Variants in GMCL1 observed in about 807,000 individuals in gnomAD.
GMCL1 encodes the protein germ cell-less protein-like 1.
In GMCL1, 54 loss-of-function variants were observed where a neutral mutation model predicts 75.5. That is an observed-to-expected ratio of 0.71 (90% CI 0.57 to 0.90). The LOEUF is 0.90. GMCL1 is among the 40% of genes least tolerant of loss of function. The pLI is 0.00. For missense variants in GMCL1, 537 were observed against 622.7 expected (o/e 0.86, Z 1.47); for synonymous variants, 210 against 209.6 (o/e 1.00, Z -0.02).
At chr2:69,846,427 A>T (rs1486399554) in intron 6 of GMCL1, among the ~76,000 whole-genome samples, 1 of 152,258 alleles carries the variant, frequency 6.6e-6, no homozygotes, top group East Asian at 1.9e-4. Context: ...GAGATGATTT[A>T]AAGTATATGA....
chr2:69,845,303 G>A (rs1471741383), intron 6 of GMCL1, among the ~76,000 whole-genome samples: 1 of 152,244 alleles, frequency 6.6e-6, no homozygotes, highest in Non-Finnish European at 1.5e-5. Flanking sequence ...TCCATCACCT[G>A]TGGACTATGT....
At chr2:69,857,244 C>T (rs1558545470) in intron 9 of GMCL1, among the ~76,000 whole-genome samples, 1 of 152,170 alleles carries the variant, frequency 6.6e-6, no homozygotes, top group Non-Finnish European at 1.5e-5. Context: ...TGTTAGGTCA[C>T]TCTCACAGTT....
intron 8 of GMCL1, among the ~76,000 whole-genome samples, chr2:69,853,248 A>G (rs953735335): frequency 3.3e-5 from 5 of 152,212 alleles, no homozygotes; most frequent in African/African-American, 4.8e-5. Flanking sequence ...ACTGGAACCA[A>G]TGTTGTTATT....
At chr2:69,851,594 G>A (rs1038054567) in intron 8 of GMCL1, among the ~76,000 whole-genome samples, 2 of 151,790 alleles carry the variant, frequency 1.3e-5, no homozygotes, top group South Asian at 2.1e-4. Context: ...TGGGCAACGA[G>A]CAAAACTCTG....
At chr2:69,874,759 C>T (rs1359109121) in intron 13 of GMCL1, among the ~76,000 whole-genome samples, 3 of 145,306 alleles carry the variant, frequency 2.1e-5, no homozygotes, top group African/African-American at 7.6e-5. Flanking sequence ...TTTTTTTTTC[C>T]GAGACAGGTT....
intron 13 of GMCL1, chr2:69,873,500 AC>A (rs1263590541): frequency 6.6e-6 from 1 of 151,140 alleles, no homozygotes; most frequent in Non-Finnish European, 1.5e-5. Flanking sequence ...CTATTTTGTA[AC>A]CTGCTTTTTT....
intron 8 of GMCL1, among the ~76,000 whole-genome samples, chr2:69,854,156 T>A (rs1675402717): frequency 6.7e-6 from 1 of 149,754 alleles, no homozygotes; most frequent in African/African-American, 2.4e-5. Flanking sequence ...ATTATCATTA[T>A]TACTTATTTT....
Position 69,854,750 on chromosome 2 carries a change from C to T in GMCL1, c.935-73C>T, listed in dbSNP as rs534875065. On this transcript the variant is annotated intron_variant, in intron 8 of 13. Transcript: ENST00000282570. ...TCTAATAGACATGAATGTACGTATC[C>T]CCCGTCCACAAAAACATTTAAGAAT... 893 of 1,229,966 alleles carry T rather than the reference C, an allele frequency of 7.3e-4. 12 individuals carry two copies. In the South Asian group the frequency reaches 0.012, roughly 16 times the overall value. The allele number at this position is 1,229,966 out of a possible 1,614,324, so 76.2% of individuals were successfully genotyped here.
intron 13 of GMCL1, among the ~76,000 whole-genome samples, chr2:69,876,276 G>A (rs1314172192): frequency 1.3e-5 from 2 of 152,150 alleles, no homozygotes; most frequent in African/African-American, 4.8e-5. Context: ...AATATTGATG[G>A]GTTCTGGAAA....
intron 13 of GMCL1, chr2:69,873,575 A>G (rs1573375635): frequency 6.5e-6 from 1 of 152,700 alleles, no homozygotes; most frequent in Non-Finnish European, 1.5e-5. Context: ...GATGATCCCA[A>G]TTTTTTGGCA....
intron 3 of GMCL1, chr2:69,839,956 T>C (rs1003748452): frequency 1.3e-5 from 2 of 157,440 alleles, no homozygotes; most frequent in African/African-American, 4.8e-5. Context: ...AATCCTTAGT[T>C]GAGGAAGCTG....
At chr2:69,877,531 A>T (rs1676158391) in intron 13 of GMCL1, among the ~76,000 whole-genome samples, 1 of 152,230 alleles carries the variant, frequency 6.6e-6, no homozygotes, top group Non-Finnish European at 1.5e-5. Context: ...GATTATTGAT[A>T]TAAATTTTGA....
At chr2:69,858,872 G>A (rs1268352573) in intron 9 of GMCL1, among the ~76,000 whole-genome samples, 1 of 152,132 alleles carries the variant, frequency 6.6e-6, no homozygotes, top group East Asian at 1.9e-4. Flanking sequence ...TTTTGGCCGG[G>A]TGTGGTGGCT....
At chr2:69,835,524 T>G (rs372809379) in intron 1 of GMCL1, among the ~76,000 whole-genome samples, 6 of 151,830 alleles carry the variant, frequency 4.0e-5, no homozygotes, top group African/African-American at 1.5e-4. Flanking sequence ...TGGTGTATGG[T>G]GTTTTAATTG....
rs527885445 is a variant in GMCL1, at chr2:69,838,412, T to C, written c.384+742T>C. ...CAATGTTGCTCTAATGGCCCAAATA[T>C]TTTATTCATTTTCTTTCATCAAATC... On this transcript the variant is annotated intron_variant, in intron 2 of 13. Transcript: ENST00000282570. 2.0e-5 allele frequency among the ~76,000 whole-genome samples: 3 copies of C among 149,924 alleles called. No individual in the cohort carries two copies. The East Asian group carries it at 5.9e-4, about 30-fold the overall frequency.
chr2:69,877,974 G>T (rs1676172567), intron 13 of GMCL1, among the ~76,000 whole-genome samples: 1 of 152,140 alleles, frequency 6.6e-6, no homozygotes, highest in Admixed American at 6.6e-5. Flanking sequence ...CATATCCCAG[G>T]CATTTAAAAC....
At chr2:69,869,069 A>G (rs950396539) in intron 11 of GMCL1, among the ~76,000 whole-genome samples, 1 of 151,804 alleles carries the variant, frequency 6.6e-6, no homozygotes, top group South Asian at 2.1e-4. Flanking sequence ...CCTGACCAAC[A>G]TGGAAAAACC....
At position 69,854,900 on chromosome 2, in the gene GMCL1, T is replaced by C; in HGVS notation, c.1012T>C (p.Tyr338His). 6.2e-7 allele frequency: 1 copy of C among 1,611,176 alleles called. No homozygotes were observed. Among genetic ancestry groups the C allele is most frequent in the Non-Finnish European group, 8.5e-7 (1 of 1,178,054 alleles). The change falls in exon 9 of 14, where the codon TAT becomes CAT. Residue 338 changes from tyrosine (Y) to histidine (H), a missense_variant. By Grantham distance (83) the Tyr-to-His change is moderately conservative. Transcript: ENST00000282570. ...VSVFRHLRLQ[Y>H]IISDLASARI... The stretch of plus-strand genomic sequence containing the variant: ...AGTATTCAGACATTTAAGGTTACAA[T>C]ATATTATCAGTGATCTGGCTTCTGC...
intron 9 of GMCL1, among the ~76,000 whole-genome samples, chr2:69,857,523 C>G (rs1403769148): frequency 2.6e-5 from 4 of 152,098 alleles, no homozygotes; most frequent in Non-Finnish European, 5.9e-5. Flanking sequence ...ACCTCATTGT[C>G]AGTTTTGTGA....
Sources: allele counts gnomAD v4.1 joint callset (sites outside exome capture counted in the v4.1 genomes callset), GRCh38; gene constraint gnomAD v4.1.1; transcripts MANE v1.5; gene names NCBI Gene and HGNC (gene_info 2026-07-23, HGNC 2026-07-21).